TOR1AIP2: variants seen among roughly 807,000 people sequenced by gnomAD.
TOR1AIP2 encodes torsin-1A-interacting protein 2.
TOR1AIP2 carries 20 observed loss-of-function variants against 32.6 expected under a neutral mutation model. The ratio of observed to expected loss-of-function variants is 0.61; its 90% confidence interval spans 0.43 to 0.89. TOR1AIP2 has a LOEUF of 0.89. Ranked by LOEUF, TOR1AIP2 falls within the 40% of genes least tolerant of loss-of-function variation. The pLI is 0.00. For missense variants in TOR1AIP2, 456 were observed against 553.8 expected, an observed-to-expected ratio of 0.82 and a Z score of 1.77; for synonymous variants, 214 against 210.8, an observed-to-expected ratio of 1.02 and a Z score of -0.13.
chr1:179,875,856 C>T (rs776790254), intron 2 of TOR1AIP2: 1 of 152,182 alleles, frequency 6.6e-6, no homozygotes, highest in Non-Finnish European at 1.5e-5. Context: ...TTCCTTATTC[C>T]CAAGTGCTTG....
chr1:179,863,407 T>G, intron 3 of TOR1AIP2: 1 of 985,140 alleles, frequency 1.0e-6, no homozygotes, highest in Non-Finnish European at 1.2e-6. Context: ...GATTCCCAAA[T>G]AAAACACTGA....
intron 5 of TOR1AIP2, among the ~76,000 whole-genome samples, chr1:179,850,405 G>C (rs1346496244): frequency 6.6e-6 from 1 of 152,192 alleles, no homozygotes; most frequent in Non-Finnish European, 1.5e-5. Context: ...CTGAGTTAAG[G>C]ATACTGTCCC....
In TOR1AIP2 at chr1:179,846,845, A is replaced by G. The variant is rs565091571; in HGVS notation, c.656-17T>C. 5 of 1,564,312 alleles carry G rather than the reference A, an allele frequency of 3.2e-6. No homozygotes were observed. In the South Asian group the frequency reaches 4.7e-5, roughly 15 times the overall value. ...TCACAGGGCCTGTCAAAAGAATGAAAAAGGAATAGAAAATTACAGAGAACA... is the reference window on the plus strand; with the variant it reads ...TCACAGGGCCTGTCAAAAGAATGAAGAAGGAATAGAAAATTACAGAGAACA... On this transcript the variant is annotated splice_polypyrimidine_tract_variant and intron_variant, in intron 6 of 6. Transcript: ENST00000609928.
At chr1:179,859,429 C>T (rs537874887) in intron 3 of TOR1AIP2, 8 of 985,424 alleles carry the variant, frequency 8.1e-6, no homozygotes, top group East Asian at 2.3e-4. Context: ...AACCATGACA[C>T]TTTTAAAAGC....
At chr1:179,863,577 C>A in intron 3 of TOR1AIP2, 1 of 984,076 alleles carries the variant, frequency 1.0e-6, no homozygotes, top group Non-Finnish European at 1.2e-6. Context: ...GCCTGTAATC[C>A]CAGCACCTTG....
chr1:179,864,712 A>C, intron 3 of TOR1AIP2: 2 of 1,507,784 alleles, frequency 1.3e-6, no homozygotes, highest in Non-Finnish European at 1.8e-6. Flanking sequence ...GAAATGAATT[A>C]TTTTTCCATC....
chr1:179,847,481 CT>C (rs1185830242), intron 6 of TOR1AIP2, 53 bp downstream of exon 6: 1 of 1,207,376 alleles, frequency 8.3e-7, no homozygotes, highest in East Asian at 2.3e-5. Context: ...GGCATTTTCA[CT>C]GAGGATTTCT....
chr1:179,861,905 G>T, intron 3 of TOR1AIP2: 2 of 931,808 alleles, frequency 2.1e-6, no homozygotes, highest in South Asian at 9.9e-5. Flanking sequence ...TGACTATCTT[G>T]CCCAGGCTGG....
chr1:179,850,309 C>T (rs1571659456), intron 5 of TOR1AIP2, among the ~76,000 whole-genome samples: 1 of 152,154 alleles, frequency 6.6e-6, no homozygotes, highest in Non-Finnish European at 1.5e-5. Context: ...GGAAGACATG[C>T]TTGTTCCTCT....
intron 3 of TOR1AIP2, chr1:179,861,432 T>C: frequency 1.0e-6 from 1 of 984,964 alleles, no homozygotes; most frequent in Non-Finnish European, 1.2e-6. Context: ...TACTACATGA[T>C]GTTGATTTCT....
At chr1:179,870,331 G>A (rs551849607) in intron 2 of TOR1AIP2, among the ~76,000 whole-genome samples, 46 of 152,080 alleles carry the variant, frequency 3.0e-4, no homozygotes, top group Non-Finnish European at 5.3e-4. Flanking sequence ...CCCAGGAGGC[G>A]GAGCTTGCAG....
chr1:179,864,038 G>A (rs1414534644), intron 3 of TOR1AIP2: 1 of 985,252 alleles, frequency 1.0e-6, no homozygotes, highest in Non-Finnish European at 1.2e-6. Context: ...TCCAGGGGAG[G>A]ACGTTGTAAA....
intron 3 of TOR1AIP2, chr1:179,859,837 T>C (rs1696450200): frequency 1.0e-6 from 1 of 985,502 alleles, no homozygotes; most frequent in Non-Finnish European, 1.2e-6. Flanking sequence ...TTTTTTGTTT[T>C]TGTTTTTAGA....
chr1:179,856,180 GA>G (rs1192739022), intron 3 of TOR1AIP2, among the ~76,000 whole-genome samples: 2 of 150,644 alleles, frequency 1.3e-5, no homozygotes, highest in African/African-American at 4.9e-5. Flanking sequence ...TCTCAAAAAA[GA>G]AAAAAAAATG....
chr1:179,863,866 A>C, intron 3 of TOR1AIP2: 1 of 985,304 alleles, frequency 1.0e-6, no homozygotes, highest in Non-Finnish European at 1.2e-6. Flanking sequence ...CTTAACCCCA[A>C]CTCTGGGTCC....
Position 179,840,889 on chromosome 1 carries a change from T to TAATAATA in TOR1AIP2, c.*5181_*5182insTATTATT, listed in dbSNP as rs1695698303. The TAATAATA allele has an allele frequency of 2.7e-5, 4 of 146,748 alleles. No homozygotes were observed. Among genetic ancestry groups the TAATAATA allele is most frequent in the African/African-American group, 1.0e-4 (4 of 38,824 alleles). The allele number at this position is 146,748 out of a possible 1,614,324, so 9.1% of individuals were successfully genotyped here. The stretch of plus-strand genomic sequence containing the variant: ...TCCACATGTATCCCAGAACTTAAAC[T>TAATAATA]ATAATAATAATAATAATAATAATAA... On this transcript the variant is annotated 3_prime_UTR_variant, in exon 7 of 7. Coordinates refer to ENST00000609928, the MANE Select transcript of TOR1AIP2 (RefSeq NM_001199260.2).
chr1:179,877,623 T>G (rs2148464539), intron 1 of TOR1AIP2, 70 bp downstream of exon 1: 1 of 152,252 alleles, frequency 6.6e-6, no homozygotes, highest in South Asian at 2.1e-4. Context: ...GAAAGTCCTT[T>G]TCAAAAATTC....
chr1:179,876,663 C>T (rs1461248961), intron 2 of TOR1AIP2, among the ~76,000 whole-genome samples: 1 of 150,184 alleles, frequency 6.7e-6, no homozygotes, highest in Non-Finnish European at 1.5e-5. Flanking sequence ...GCTCAAAAAA[C>T]ATGGATAACT....
At chr1:179,848,927 G>A (rs1443675096) in intron 5 of TOR1AIP2, among the ~76,000 whole-genome samples, 2 of 151,896 alleles carry the variant, frequency 1.3e-5, no homozygotes, top group Admixed American at 1.3e-4. Flanking sequence ...TCAGGAGATC[G>A]AGACCATCCT....
Sources: gnomAD v4.1 joint callset for allele counts (sites outside exome capture counted in the v4.1 genomes callset) on GRCh38, gnomAD v4.1.1 for gene constraint, MANE v1.5 for transcripts, NCBI Gene and HGNC (gene_info 2026-07-23, HGNC 2026-07-21) for gene names.